Variants in SND1 observed in about 807,000 individuals in gnomAD.
SND1 encodes staphylococcal nuclease and tudor domain containing 1.
In SND1, 38 loss-of-function variants were observed where a neutral mutation model predicts 121.7. The observed-to-expected ratio is 0.31, with a 90% CI of 0.24 to 0.41. The LOEUF is 0.41. Ranked by LOEUF, SND1 falls within the 10% of genes least tolerant of loss-of-function variation. The probability of loss-of-function intolerance (pLI) is 1.00; values close to 1 mark genes in which losing one functional copy is unlikely to be tolerated. For synonymous variants in SND1, 401 were observed against 447.4 expected (o/e 0.90, Z 1.31); for missense variants, 868 against 1,184.6 (o/e 0.73, Z 3.92).
intron 10 of SND1, among the ~76,000 whole-genome samples, chr7:127,804,412 T>C (rs1223238576): frequency 2.0e-5 from 3 of 152,214 alleles, no homozygotes; most frequent in Non-Finnish European, 4.4e-5. Context: ...TTTATTTTCC[T>C]TCATTCTTTT....
intron 11 of SND1, among the ~76,000 whole-genome samples, chr7:127,808,516 T>G (rs1326077557): frequency 6.6e-6 from 1 of 152,242 alleles, no homozygotes; most frequent in Admixed American, 6.5e-5. Flanking sequence ...CAAAATGGTG[T>G]ATCCTAATTA....
intron 12 of SND1, among the ~76,000 whole-genome samples, chr7:127,859,039 G>A (rs966142079): frequency 1.3e-5 from 2 of 152,156 alleles, no homozygotes; most frequent in African/African-American, 4.8e-5. Context: ...GACCTCATTG[G>A]TTTGGCTGGT....
rs111760250 is a variant in SND1, at chr7:127,697,482, C to T, written c.350-1393C>T. ...ACCTGGGCTTCGTTCTTTCCACCCC[C>T]AGATCTCCTGGCACTTCACTGCTCA... On this transcript the variant is annotated intron_variant, in intron 3 of 23. Transcript: ENST00000354725. Among the ~76,000 whole-genome samples, 9 of 152,328 alleles carry T rather than the reference C, an allele frequency of 5.9e-5. 1 individual carries two copies. The highest frequency in any genetic ancestry group is 2.2e-4 in the African/African-American group (9 of 41,576).
intron 19 of SND1, 67 bp downstream of exon 19, chr7:128,084,914 C>T: frequency 1.3e-6 from 2 of 1,494,118 alleles, no homozygotes; most frequent in Non-Finnish European, 1.8e-6. Context: ...CCTCAGGCCT[C>T]AGGTGTTGCC....
intron 10 of SND1, among the ~76,000 whole-genome samples, chr7:127,760,560 C>T (rs1403767579): frequency 6.6e-6 from 1 of 152,186 alleles, no homozygotes; most frequent in Non-Finnish European, 1.5e-5. Flanking sequence ...ACTTTCCTAG[C>T]TTTGCCTAGG....
At chr7:127,712,509 T>C (rs546229867) in intron 9 of SND1, among the ~76,000 whole-genome samples, 2 of 152,272 alleles carry the variant, frequency 1.3e-5, no homozygotes, top group East Asian at 3.9e-4. Context: ...TTTGAAACCA[T>C]CCATCATTTT....
At chr7:128,079,585 T>G (rs888702033) in intron 17 of SND1, among the ~76,000 whole-genome samples, 1 of 152,218 alleles carries the variant, frequency 6.6e-6, no homozygotes, top group Non-Finnish European at 1.5e-5. Flanking sequence ...GTGGAAAGCT[T>G]GGGCCTGGGA....
intron 15 of SND1, among the ~76,000 whole-genome samples, chr7:127,946,050 G>T (rs1156914940): frequency 6.6e-6 from 1 of 152,208 alleles, no homozygotes; most frequent in African/African-American, 2.4e-5. Flanking sequence ...TATTGGCTAG[G>T]AATCAATCTG....
At chr7:128,036,262 A>G (rs140737864) in intron 16 of SND1, among the ~76,000 whole-genome samples, 1 of 152,294 alleles carries the variant, frequency 6.6e-6, no homozygotes, top group African/African-American at 2.4e-5. Flanking sequence ...ATCAGGGACA[A>G]CTAGCCATGA....
intron 10 of SND1, among the ~76,000 whole-genome samples, chr7:127,722,197 T>C (rs757787848): frequency 1.6e-4 from 25 of 152,308 alleles, no homozygotes; most frequent in South Asian, 6.2e-4. Flanking sequence ...TAACTAGTTA[T>C]AGAACTAGTT....
intron 16 of SND1, among the ~76,000 whole-genome samples, chr7:128,025,276 A>G (rs1360963147): frequency 1.3e-5 from 2 of 152,326 alleles, no homozygotes; most frequent in East Asian, 3.9e-4. Flanking sequence ...TTGATAGCCA[A>G]TAGCAGCCTG....
chr7:128,006,176 G>C (rs1312435729), intron 16 of SND1, among the ~76,000 whole-genome samples: 3 of 152,336 alleles, frequency 2.0e-5, no homozygotes, highest in Admixed American at 6.5e-5. Context: ...GTAGAGTGGA[G>C]ACAGTTCTTC....
chr7:127,972,012 C>G (rs1346115406), intron 15 of SND1, among the ~76,000 whole-genome samples: 1 of 151,800 alleles, frequency 6.6e-6, no homozygotes, highest in Admixed American at 6.6e-5. Flanking sequence ...TGAGCTCAGA[C>G]AGTCCACCCG....
rs1311650968 is a variant in SND1 at position 128,015,728 on chromosome 7, C to T, written c.1779+24672C>T. On this transcript the variant is annotated intron_variant, in intron 16 of 23. Coordinates refer to ENST00000354725, the MANE Select transcript of SND1 (RefSeq NM_014390.4). The surrounding 1 kb of genome is among the most constrained non-coding windows in gnomAD (Gnocchi z 4.5). ...AGAGAAAGATATGGCTGCAGCAGCC[C>T]CAGGACACCACTCTGCCTTTCCCCA... 6.6e-6 allele frequency among the ~76,000 whole-genome samples: 1 copy of T among 152,062 alleles called. No homozygotes were observed.
chr7:127,783,720 C>T (rs1434679552), intron 10 of SND1, among the ~76,000 whole-genome samples: 2 of 152,136 alleles, frequency 1.3e-5, no homozygotes, highest in Non-Finnish European at 2.9e-5. Flanking sequence ...AAAAAAAATT[C>T]TCTTTAATCA....
In SND1 at chr7:128,052,297, C is replaced by T. The variant is rs1304929941; in HGVS notation, c.1780-22205C>T. Among the ~76,000 whole-genome samples, 3 of 152,170 alleles carry T rather than the reference C, an allele frequency of 2.0e-5. No homozygotes were observed. The highest frequency in any genetic ancestry group is 1.3e-4 in the Admixed American group (2 of 15,280). On this transcript the variant is annotated intron_variant, in intron 16 of 23. Transcript: ENST00000354725. The surrounding 1 kb of genome is among the most constrained non-coding windows in gnomAD (Gnocchi z 4.6). ...TTATGTCCAGCTCTAGCTCAGTGCC[C>T]CAGCTTTAGCCTAATGCCCATCTCA...
chr7:127,662,785 A>G (rs1227840497), intron 1 of SND1, among the ~76,000 whole-genome samples: 2 of 151,432 alleles, frequency 1.3e-5, no homozygotes, highest in African/African-American at 4.9e-5. Context: ...GTCCCTTGGT[A>G]TTTGGTTCCA....
At chr7:127,779,134 G>C (rs962070352) in intron 10 of SND1, among the ~76,000 whole-genome samples, 2 of 151,936 alleles carry the variant, frequency 1.3e-5, no homozygotes, top group Non-Finnish European at 2.9e-5. Context: ...ATTGCACTAT[G>C]GGGGGGATTG....
chr7:127,904,068 GGC>G, intron 13 of SND1, among the ~76,000 whole-genome samples: 1 of 152,154 alleles, frequency 6.6e-6, no homozygotes, highest in Non-Finnish European at 1.5e-5. Context: ...TACCTAGTGA[GGC>G]GTAGGCTTCT....
Sources: gnomAD v4.1 joint callset for allele counts (sites outside exome capture counted in the v4.1 genomes callset) on GRCh38, gnomAD v4.1.1 for gene constraint, Gnocchi (gnomAD v3.1) non-coding constraint, MANE v1.5 for transcripts, NCBI Gene and HGNC (gene_info 2026-07-23, HGNC 2026-07-21) for gene names.